Variants in INSC observed in about 807,000 individuals in gnomAD.
The protein encoded by INSC is protein inscuteable homolog.
In INSC, 67 loss-of-function variants were observed where a neutral mutation model predicts 58.6. The observed-to-expected ratio is 1.14, with a 90% CI of 0.94 to 1.40. The LOEUF (loss-of-function observed/expected upper bound fraction) is 1.40, where lower values mean the gene tolerates loss of function less well. Ranked by LOEUF, INSC falls within the 40% of genes most tolerant of loss-of-function variation. The pLI is 0.00. For missense variants in INSC, 714 were observed against 692.0 expected (o/e 1.03, Z -0.36); for synonymous variants, 262 against 276.1 (o/e 0.95, Z 0.51).
At chr11:15,180,263 AAAC>A (rs1159630615) in intron 5 of INSC, among the ~76,000 whole-genome samples, 2 of 151,730 alleles carry the variant, frequency 1.3e-5, no homozygotes, top group African/African-American at 2.4e-5. Context: ...GTCTCAAAAA[AAAC>A]AAACAAAACA....
rs747626757 is a variant in INSC at position 15,200,901 on chromosome 11, G to A, written c.771G>A (p.Thr257=). The part of the protein sequence containing the change: ...FRCLYPQALR[T]LASICCVEEG... The stretch of plus-strand genomic sequence containing the variant: ...GCTTGTACCCCCAGGCGCTCCGCAC[G>A]CTGGCCTCCATCTGCTGCGTGGAAG... Residue 257 remains threonine, a synonymous_variant, in exon 7 of 13, where the codon ACG becomes ACA. Transcript: ENST00000379556. 13 of 1,613,376 alleles carry A rather than the reference G, an allele frequency of 8.1e-6. No individual in the cohort carries two copies. The highest frequency in any genetic ancestry group is 3.3e-5 in the Admixed American group (2 of 59,974).
chr11:15,200,469 T>C (rs951099400), intron 6 of INSC, among the ~76,000 whole-genome samples: 1 of 152,068 alleles, frequency 6.6e-6, no homozygotes, highest in Non-Finnish European at 1.5e-5. Flanking sequence ...AGGCCTGCTC[T>C]ATGGGAGGCT....
intron 1 of INSC, among the ~76,000 whole-genome samples, chr11:15,136,595 GAGT>G (rs1373279900): frequency 6.6e-6 from 1 of 152,002 alleles, no homozygotes; most frequent in Non-Finnish European, 1.5e-5. Flanking sequence ...TCTTCACTAG[GAGT>G]AGATTACATC....
chr11:15,135,883 T>A (rs1368982933), intron 1 of INSC, among the ~76,000 whole-genome samples: 2 of 152,194 alleles, frequency 1.3e-5, no homozygotes, highest in Admixed American at 6.5e-5. Flanking sequence ...GGGTTTGGTA[T>A]CTAATGAAGC....
At chr11:15,207,023 G>A (rs1358644414) in intron 7 of INSC, among the ~76,000 whole-genome samples, 2 of 152,216 alleles carry the variant, frequency 1.3e-5, no homozygotes, top group Non-Finnish European at 2.9e-5. Flanking sequence ...GGGAAGGTCA[G>A]GGCACTGCTG....
At chr11:15,170,688 T>C (rs1229479976) in intron 2 of INSC, among the ~76,000 whole-genome samples, 2 of 152,226 alleles carry the variant, frequency 1.3e-5, no homozygotes. Context: ...TTGGAAATGA[T>C]TCACTAAGTG....
intron 5 of INSC, among the ~76,000 whole-genome samples, chr11:15,180,189 C>A (rs898911249): frequency 3.3e-5 from 5 of 151,998 alleles, no homozygotes; most frequent in African/African-American, 4.8e-5. Flanking sequence ...ACCTGGGAGG[C>A]GGAGCTTGCA....
the INSC span, among the ~76,000 whole-genome samples, chr11:15,266,354 G>C: frequency 6.6e-6 from 1 of 151,894 alleles, no homozygotes; most frequent in Non-Finnish European, 1.5e-5. Flanking sequence ...AACTGCATTG[G>C]CCTTCATAGG....
At chr11:15,116,422 T>A (rs1847695619) in intron 1 of INSC, among the ~76,000 whole-genome samples, 1 of 152,172 alleles carries the variant, frequency 6.6e-6, no homozygotes, top group Non-Finnish European at 1.5e-5. Flanking sequence ...GGTGGAGGGA[T>A]GGCATTTGCT....
At chr11:15,173,769 C>T (rs1849482256) in intron 2 of INSC, among the ~76,000 whole-genome samples, 1 of 152,052 alleles carries the variant, frequency 6.6e-6, no homozygotes, top group South Asian at 2.1e-4. Flanking sequence ...TAAAAGAAAT[C>T]ATATGTTCAA....
chr11:15,141,891 G>A (rs1201663800), intron 1 of INSC, among the ~76,000 whole-genome samples: 1 of 152,020 alleles, frequency 6.6e-6, no homozygotes, highest in Non-Finnish European at 1.5e-5. Context: ...CTTGTTGCTG[G>A]TCTTACTTTC....
chr11:15,268,188 T>C, the INSC span, among the ~76,000 whole-genome samples: 2 of 152,044 alleles, frequency 1.3e-5, no homozygotes, highest in East Asian at 1.9e-4. Flanking sequence ...CTGAAAACAA[T>C]TGATTTGTAT....
chr11:15,174,982 G>T (rs1849524748), intron 2 of INSC, among the ~76,000 whole-genome samples: 1 of 152,110 alleles, frequency 6.6e-6, no homozygotes, highest in Admixed American at 6.5e-5. Context: ...CATTTTATTT[G>T]ATTAAGATCT....
chr11:15,206,107 A>G (rs547409296), intron 7 of INSC, among the ~76,000 whole-genome samples: 7 of 151,716 alleles, frequency 4.6e-5, no homozygotes, highest in African/African-American at 1.7e-4. Flanking sequence ...ATCTGACATC[A>G]CTCCTCATTC....
the INSC span, among the ~76,000 whole-genome samples, chr11:15,261,646 G>A: frequency 1.3e-5 from 2 of 152,284 alleles, no homozygotes; most frequent in South Asian, 4.1e-4. Context: ...GGAGTCCAAA[G>A]TTTGAGCTTC....
At chr11:15,237,800 G>A (rs1376505690) in intron 10 of INSC, among the ~76,000 whole-genome samples, 1 of 152,182 alleles carries the variant, frequency 6.6e-6, no homozygotes, top group Admixed American at 6.5e-5. Context: ...CTCATAATAA[G>A]CTTTAACAAT....
intron 2 of INSC, among the ~76,000 whole-genome samples, chr11:15,162,898 G>A (rs569809654): frequency 1.3e-5 from 2 of 152,256 alleles, no homozygotes; most frequent in South Asian, 2.1e-4. Flanking sequence ...TAGATTCACC[G>A]TGTCACAAAC....
At chr11:15,262,413 G>A in the INSC span, among the ~76,000 whole-genome samples, 1 of 151,974 alleles carries the variant, frequency 6.6e-6, no homozygotes, top group Non-Finnish European at 1.5e-5. Context: ...GGATGAAAAC[G>A]AAGTCCAGAG....
chr11:15,175,761 A>C lies in INSC; in HGVS notation c.77A>C (p.Asp26Ala). ...PGQRLHLMQVDSVQRWMEDLK... is the reference protein window; with the variant it reads ...PGQRLHLMQVASVQRWMEDLK... ...TGCAGGCTACACCTGATGCAGGTGG[A>C]CTCAGTCCAGCGCTGGATGGAAGAT... Residue 26 changes from aspartate (D) to alanine (A), a missense_variant, in exon 3 of 13, where the codon GAC (aspartate) becomes GCC (alanine). Physicochemically the swap from Asp to Ala is moderately radical, Grantham distance 126 (BLOSUM62 -2). Coordinates refer to ENST00000379556, the MANE Select transcript of INSC (RefSeq NM_001042536.3). 1 of 1,570,228 alleles carries C rather than the reference A, an allele frequency of 6.4e-7. No homozygotes were observed. The highest frequency in any genetic ancestry group is 2.3e-5 in the East Asian group (1 of 43,980).
Sources: gnomAD v4.1 joint callset for allele counts (sites outside exome capture counted in the v4.1 genomes callset) on GRCh38, gnomAD v4.1.1 for gene constraint, MANE v1.5 for transcripts, NCBI Gene and HGNC (gene_info 2026-07-23, HGNC 2026-07-21) for gene names.